PPP6C: variants seen among roughly 807,000 people sequenced by gnomAD.
PPP6C encodes serine/threonine-protein phosphatase 6 catalytic subunit.
PPP6C carries 11 observed loss-of-function variants against 39.8 expected under a neutral mutation model. The ratio of observed to expected loss-of-function variants is 0.28; its 90% CI spans 0.17 to 0.46. PPP6C has a LOEUF of 0.46. Among genes scored for constraint, PPP6C ranks in the 20% least tolerant of loss-of-function variants. PPP6C has a pLI of 1.00. For missense variants in PPP6C, 211 were observed against 373.9 expected, an observed-to-expected ratio of 0.56 and a Z score of 3.59; for synonymous variants, 129 against 130.3, an observed-to-expected ratio of 0.99 and a Z score of 0.07.
intron 1 of PPP6C, among the ~76,000 whole-genome samples, chr9:125,178,864 G>T (rs1260721227): frequency 6.6e-6 from 1 of 152,102 alleles, no homozygotes; most frequent in Non-Finnish European, 1.5e-5. Flanking sequence ...GGCATGATCT[G>T]ACAGCAACTT....
intron 2 of PPP6C, among the ~76,000 whole-genome samples, chr9:125,164,592 G>A (rs892030594): frequency 6.6e-6 from 1 of 152,014 alleles, no homozygotes; most frequent in Non-Finnish European, 1.5e-5. Context: ...TTAAGAAGTA[G>A]ATTTTTTTCT....
At chr9:125,162,852 T>C (rs1047143884) in intron 2 of PPP6C, among the ~76,000 whole-genome samples, 3 of 147,186 alleles carry the variant, frequency 2.0e-5, no homozygotes, top group Non-Finnish European at 4.5e-5. Context: ...CCGAGGCGGG[T>C]GGATCACCTG....
chr9:125,183,028 A>G (rs939003803), intron 1 of PPP6C, among the ~76,000 whole-genome samples: 5 of 152,090 alleles, frequency 3.3e-5, no homozygotes. Flanking sequence ...CAAACTCAAT[A>G]TGGCCCAAAC....
intron 1 of PPP6C, among the ~76,000 whole-genome samples, chr9:125,185,771 G>C (rs1322216755): frequency 6.6e-6 from 1 of 151,912 alleles, no homozygotes; most frequent in African/African-American, 2.4e-5. Context: ...CATCATCTGA[G>C]GTGAGGAGTT....
chr9:125,156,370 T>C (rs1836076007), intron 4 of PPP6C, among the ~76,000 whole-genome samples: 1 of 151,990 alleles, frequency 6.6e-6, no homozygotes, highest in African/African-American at 2.4e-5. Context: ...ACCTCCCGGG[T>C]TCAAGGGATT....
At chr9:125,160,576 A>C (rs1828845431) in intron 3 of PPP6C, among the ~76,000 whole-genome samples, 1 of 152,212 alleles carries the variant, frequency 6.6e-6, no homozygotes, top group Admixed American at 6.5e-5. Flanking sequence ...CATCCACATA[A>C]GATGTGACTT....
rs1212770963 is a variant in PPP6C, at chr9:125,151,201, G to A, written c.670-1280C>T. 3.3e-6 allele frequency: 5 copies of A among 1,501,194 alleles called. No individual in the cohort carries two copies. In the African/African-American group the frequency reaches 4.1e-5, roughly 12 times the overall value. 93.0% of individuals were successfully genotyped at this position (1,501,194 alleles called of 1,614,324 possible). ...GACCTCCATTGCAGACAGGCTGAATGTGGACTTTGCCTTGATTCACAAAGA... is the reference window on the plus strand; with the variant it reads ...GACCTCCATTGCAGACAGGCTGAATATGGACTTTGCCTTGATTCACAAAGA... On this transcript the variant is annotated intron_variant, in intron 6 of 6. Transcript: ENST00000373547.
At chr9:125,171,915 A>G in intron 1 of PPP6C, 1 of 465,834 alleles carries the variant, frequency 2.1e-6, no homozygotes, top group South Asian at 1.5e-5. Flanking sequence ...TTACCATTTG[A>G]CCCAGCAACT....
intron 1 of PPP6C, 146 bp from the exon 2 acceptor site, chr9:125,171,326 T>A (rs1829142391): frequency 1.7e-6 from 1 of 603,720 alleles, no homozygotes; most frequent in Non-Finnish European, 2.7e-6. Context: ...AATTCGGGGG[T>A]TGGATTTCTG....
chr9:125,169,956 CA>C (rs750609408), intron 2 of PPP6C, among the ~76,000 whole-genome samples: 4 of 152,142 alleles, frequency 2.6e-5, no homozygotes, highest in Non-Finnish European at 5.9e-5. Flanking sequence ...AGCCCCTAAT[CA>C]GAGTCAATTT....
chr9:125,160,854 T>C lies in PPP6C; in HGVS notation c.224A>G (p.Asn75Ser). ...GTGTTTACATACCATAAATATGTAG[T>C]TTGTGTCAGGAACCTGACCTCCAGT... Reference protein sequence around the residue: ...FRTGGQVPDTNYIFMGDFVDR... With the variant: ...FRTGGQVPDTSYIFMGDFVDR... The change falls in exon 3 of 7, where the codon AAC becomes AGC. Residue 75 changes from asparagine to serine, a missense_variant. Around this residue, in one of 2 missense-constraint regions of PPP6C, gnomAD observed 168 missense variants for 342.6 expected, o/e 0.49. Coordinates refer to ENST00000373547, the MANE Select transcript of PPP6C (RefSeq NM_002721.5). 1 of 1,591,130 alleles carries C rather than the reference T, an allele frequency of 6.3e-7. No homozygotes were observed. The highest frequency in any genetic ancestry group is 8.5e-7 in the Non-Finnish European group (1 of 1,170,442).
chr9:125,189,602 C>T lies in PPP6C; in HGVS notation c.75+42G>A, dbSNP rs375518498. On this transcript the variant is annotated intron_variant, in intron 1 of 6. Coordinates refer to ENST00000373547, the MANE Select transcript of PPP6C (RefSeq NM_002721.5). Reference sequence around the variant, plus strand: ...GAGAAAGGAAGGGCCGGCCGGCGGGCGCCCCACAGCCGGAAGGGGCGAGCC... The same window carrying T: ...GAGAAAGGAAGGGCCGGCCGGCGGGTGCCCCACAGCCGGAAGGGGCGAGCC... 69 of 1,609,202 alleles carry T rather than the reference C, an allele frequency of 4.3e-5. 1 individual carries two copies. Among genetic ancestry groups the T allele is most frequent in the South Asian group, 2.2e-5 (2 of 90,952 alleles).
intron 4 of PPP6C, among the ~76,000 whole-genome samples, chr9:125,155,663 G>T (rs992909078): frequency 6.6e-6 from 1 of 152,142 alleles, no homozygotes; most frequent in Non-Finnish European, 1.5e-5. Context: ...CAGCACTTTG[G>T]GAGGCCGAGG....
intron 2 of PPP6C, among the ~76,000 whole-genome samples, chr9:125,163,309 G>A (rs1828929399): frequency 6.6e-6 from 1 of 152,190 alleles, no homozygotes; most frequent in Admixed American, 6.5e-5. Flanking sequence ...AAATTGAGTA[G>A]TTATATACAC....
intron 4 of PPP6C, among the ~76,000 whole-genome samples, chr9:125,156,413 A>T (rs189274457): frequency 1.1e-3 from 160 of 152,158 alleles, no homozygotes; most frequent in African/African-American, 3.8e-3. Context: ...AGCTGGGACT[A>T]CAGGCAAGTG....
At chr9:125,181,835 G>C (rs1026244975) in intron 1 of PPP6C, among the ~76,000 whole-genome samples, 1 of 152,138 alleles carries the variant, frequency 6.6e-6, no homozygotes, top group Non-Finnish European at 1.5e-5. Flanking sequence ...GGATTGCTGG[G>C]CCAAATGGCA....
chr9:125,168,522 G>A (rs1401103285), intron 2 of PPP6C, among the ~76,000 whole-genome samples: 2 of 151,780 alleles, frequency 1.3e-5, no homozygotes, highest in African/African-American at 2.4e-5. Flanking sequence ...GCAATGGCGC[G>A]ATCTCGGCTC....
chr9:125,159,604 A>G lies in PPP6C; in HGVS notation c.238-1222T>C, dbSNP rs1390420492. On this transcript the variant is annotated intron_variant, in intron 3 of 6. Transcript: ENST00000373547. ...TGTAAAAGCAAATACCATAATTATA[A>G]CAGCGTTCTAGGCTCAGTTTTGCAT... is the stretch of plus-strand genomic sequence containing the variant. 2.0e-5 allele frequency among the ~76,000 whole-genome samples: 3 copies of G among 152,202 alleles called. No individual in the cohort carries two copies. In the East Asian group the frequency reaches 5.8e-4, roughly 29 times the overall value.
chr9:125,182,332 C>T (rs1207553382), intron 1 of PPP6C, among the ~76,000 whole-genome samples: 5 of 151,992 alleles, frequency 3.3e-5, no homozygotes, highest in African/African-American at 2.4e-5. Context: ...TTATAAAACA[C>T]TCTTAGCTTT....
Sources: gnomAD v4.1 joint callset for allele counts (sites outside exome capture counted in the v4.1 genomes callset) on GRCh38, gnomAD v4.1.1 for gene constraint, gnomAD v4.1.1 regional missense constraint, MANE v1.5 for transcripts, NCBI Gene and HGNC (gene_info 2026-07-23, HGNC 2026-07-21) for gene names.